The following BMPR1B variants were observed in gnomAD, a reference collection of about 807,000 sequenced individuals.
BMPR1B encodes bone morphogenetic protein receptor type-1B.
BMPR1B carries 12 observed loss-of-function variants against 59.1 expected under a neutral mutation model. That is an observed-to-expected ratio of 0.20 (90% confidence interval 0.13 to 0.33). BMPR1B has a LOEUF of 0.33. Ranked by LOEUF, BMPR1B falls within the 10% of genes least tolerant of loss-of-function variation. BMPR1B has a pLI of 1.00. For missense variants in BMPR1B, 550 were observed against 610.9 expected, an observed-to-expected ratio of 0.90 and a Z score of 1.05; for synonymous variants, 237 against 207.3, an observed-to-expected ratio of 1.14 and a Z score of -1.23.
At chr4:94,959,829 G>A (rs1325481640) in intron 2 of BMPR1B, among the ~76,000 whole-genome samples, 1 of 151,956 alleles carries the variant, frequency 6.6e-6, no homozygotes, top group African/African-American at 2.4e-5. Context: ...GTTGCAATTT[G>A]GTAAGTTTTG....
At chr4:95,066,677 T>G (rs544169319) in intron 3 of BMPR1B, among the ~76,000 whole-genome samples, 1 of 152,324 alleles carries the variant, frequency 6.6e-6, no homozygotes, top group South Asian at 2.1e-4. Context: ...ACTTTTCAAA[T>G]TGTGGTCCCT....
intron 1 of BMPR1B, among the ~76,000 whole-genome samples, chr4:94,806,035 A>G (rs552914339): frequency 9.2e-5 from 14 of 152,312 alleles, no homozygotes; most frequent in Middle Eastern, 3.4e-3. Context: ...AGCAAACCAT[A>G]TATATTGGAA....
chr4:94,813,682 GTA>G (rs1723904522), intron 1 of BMPR1B, among the ~76,000 whole-genome samples: 1 of 152,190 alleles, frequency 6.6e-6, no homozygotes, highest in Admixed American at 6.5e-5. Context: ...TATGTTGAGA[GTA>G]GTCTGCAGTG....
At chr4:94,827,099 A>G (rs1055023555) in intron 1 of BMPR1B, among the ~76,000 whole-genome samples, 2 of 152,114 alleles carry the variant, frequency 1.3e-5, no homozygotes, top group Non-Finnish European at 2.9e-5. Context: ...CCAAAATGGC[A>G]TTTTATGTAA....
At chr4:95,076,157 G>A (rs1728692091) in intron 3 of BMPR1B, among the ~76,000 whole-genome samples, 2 of 152,100 alleles carry the variant, frequency 1.3e-5, no homozygotes, top group South Asian at 2.1e-4. Context: ...TTCACTGTAT[G>A]TGTAGTAAAA....
intron 1 of BMPR1B, among the ~76,000 whole-genome samples, chr4:94,779,555 G>T (rs1204253018): frequency 6.6e-6 from 1 of 152,100 alleles, no homozygotes; most frequent in African/African-American, 2.4e-5. Context: ...TCTTGGACGG[G>T]TGCGGTGGCT....
Position 95,053,592 on chromosome 4 carries a change from T to C in BMPR1B, c.-17-50816T>C, listed in dbSNP as rs72671286. ...CATAATATTACCTGAAAGTTTGCTG[T>C]TGTTAGTATCATTATTAATAATTAA... is the stretch of plus-strand genomic sequence containing the variant. On this transcript the variant is annotated intron_variant, in intron 3 of 12. Transcript: ENST00000515059. Among the ~76,000 whole-genome samples the C allele has an allele frequency of 6.7e-3, 1,026 of 152,220 alleles. 11 individuals are homozygous for C. The highest frequency in any genetic ancestry group is 0.013 in the Admixed American group (201 of 15,266).
intron 10 of BMPR1B, 115 bp downstream of exon 10, chr4:95,131,627 T>C: frequency 8.0e-7 from 1 of 1,252,606 alleles, no homozygotes; most frequent in Non-Finnish European, 1.1e-6. Flanking sequence ...AATTTTGACA[T>C]TTGACGGGGA....
chr4:95,032,958 C>G (rs572677596), intron 3 of BMPR1B, among the ~76,000 whole-genome samples: 118 of 152,246 alleles, frequency 7.8e-4, no homozygotes, highest in African/African-American at 2.8e-3. Flanking sequence ...CACAAAGGCT[C>G]CAGTTTCTCC....
intron 2 of BMPR1B, among the ~76,000 whole-genome samples, chr4:94,937,575 G>A (rs945554506): frequency 4.6e-5 from 7 of 152,138 alleles, no homozygotes; most frequent in Non-Finnish European, 8.8e-5. Flanking sequence ...ATATGATTTT[G>A]TTCCTTATTC....
chr4:95,062,977 T>C (rs1192937233), intron 3 of BMPR1B, among the ~76,000 whole-genome samples: 2 of 152,186 alleles, frequency 1.3e-5, no homozygotes, highest in Non-Finnish European at 2.9e-5. Context: ...TAAGGGCTTT[T>C]AAAAATCTGC....
chr4:95,034,248 A>G (rs557118920), intron 3 of BMPR1B, among the ~76,000 whole-genome samples: 2 of 152,294 alleles, frequency 1.3e-5, no homozygotes, highest in South Asian at 2.1e-4. Context: ...TTGTGGGTAC[A>G]TAATAGGTAT....
chr4:94,780,555 C>T (rs1722548936), intron 1 of BMPR1B, among the ~76,000 whole-genome samples: 1 of 151,770 alleles, frequency 6.6e-6, no homozygotes, highest in African/African-American at 2.4e-5. Flanking sequence ...GTTGGTGGGT[C>T]ATATGATAAC....
intron 3 of BMPR1B, among the ~76,000 whole-genome samples, chr4:95,042,410 T>TC (rs1209038788): frequency 2.0e-5 from 3 of 152,132 alleles, no homozygotes; most frequent in Non-Finnish European, 4.4e-5. Flanking sequence ...TATACAAACT[T>TC]CATTTCATGC....
intron 2 of BMPR1B, among the ~76,000 whole-genome samples, chr4:94,919,104 G>T (rs1728594221): frequency 6.6e-6 from 1 of 151,982 alleles, no homozygotes; most frequent in Admixed American, 6.6e-5. Flanking sequence ...TCTTCTTCTT[G>T]TTTCGAGGCC....
chr4:94,865,267 AAAT>A (rs2148961259), intron 1 of BMPR1B, among the ~76,000 whole-genome samples: 1 of 152,284 alleles, frequency 6.6e-6, no homozygotes, highest in East Asian at 1.9e-4. Context: ...TTGGCCTCCC[AAAT>A]AATCTTCAAG....
intron 10 of BMPR1B, among the ~76,000 whole-genome samples, chr4:95,137,873 G>A (rs1207250124): frequency 6.6e-6 from 1 of 152,052 alleles, no homozygotes; most frequent in Non-Finnish European, 1.5e-5. Context: ...TTGCCAGTCC[G>A]TATCTTTTAA....
chr4:94,861,511 C>A (rs1357473939), intron 1 of BMPR1B, among the ~76,000 whole-genome samples: 1 of 151,984 alleles, frequency 6.6e-6, no homozygotes, highest in Non-Finnish European at 1.5e-5. Context: ...GTGCTCAGAC[C>A]CTGTGCTCAG....
chr4:94,930,039 G>A (rs946136262), intron 2 of BMPR1B, among the ~76,000 whole-genome samples: 1 of 151,918 alleles, frequency 6.6e-6, no homozygotes, highest in African/African-American at 2.4e-5. Context: ...TACTTCTCAG[G>A]TATGTCCACC....
Sources: allele counts gnomAD v4.1 joint callset (sites outside exome capture counted in the v4.1 genomes callset), GRCh38; gene constraint gnomAD v4.1.1; transcripts MANE v1.5; gene names NCBI Gene and HGNC (gene_info 2026-07-23, HGNC 2026-07-21).